Variants in FAM13B observed in about 807,000 individuals in gnomAD.
FAM13B encodes the protein protein FAM13B.
Under a neutral mutation model 117.3 loss-of-function variants are expected in FAM13B, and 60 were observed. The observed-to-expected ratio is 0.51, with a 90% confidence interval of 0.42 to 0.63. The LOEUF is 0.63. Among genes scored for constraint, FAM13B ranks in the 30% least tolerant of loss-of-function variants. The pLI, the probability that FAM13B is intolerant of heterozygous loss-of-function variation, is 0.00. For synonymous variants in FAM13B, 332 were observed against 356.1 expected, an observed-to-expected ratio of 0.93 and a Z score of 0.76; for missense variants, 972 against 1,091.9, an observed-to-expected ratio of 0.89 and a Z score of 1.55.
At chr5:137,971,531 C>T (rs1772148046) in intron 10 of FAM13B, among the ~76,000 whole-genome samples, 1 of 147,698 alleles carries the variant, frequency 6.8e-6, no homozygotes, top group South Asian at 2.2e-4. Context: ...AATTGACACC[C>T]TAACATCACA....
In FAM13B at chr5:137,967,195, G is replaced by A. The variant is rs538082763; in HGVS notation, c.1180-4726C>T. 2.0e-5 allele frequency among the ~76,000 whole-genome samples: 3 copies of A among 152,010 alleles called. No individual in the cohort carries two copies. In the South Asian group the frequency reaches 6.2e-4, roughly 32 times the overall value. The stretch of plus-strand genomic sequence containing the variant: ...GACAAAAAACTGGAAACAAATATTT[G>A]CGACTGATCGTTAAGAAAGTAGGTA... On this transcript the variant is annotated intron_variant, in intron 10 of 23. Transcript: ENST00000689681.
intron 1 of FAM13B, among the ~76,000 whole-genome samples, chr5:138,050,978 C>T (rs989660632): frequency 1.3e-5 from 2 of 151,180 alleles, no homozygotes; most frequent in Non-Finnish European, 2.9e-5. Flanking sequence ...TAGGAAAATT[C>T]AAAGATTTAG....
intron 1 of FAM13B, among the ~76,000 whole-genome samples, chr5:138,025,611 A>G (rs1788154823): frequency 6.6e-6 from 1 of 152,134 alleles, no homozygotes; most frequent in Non-Finnish European, 1.5e-5. Flanking sequence ...TCATTTACAT[A>G]TACAAAAATA....
rs1581183677 is a variant in FAM13B at position 137,988,305 on chromosome 5, A to G, written c.859T>C (p.Ser287Pro). 1 of 1,560,376 alleles carries G rather than the reference A, an allele frequency of 6.4e-7. No individual in the cohort carries two copies. Among genetic ancestry groups the G allele is most frequent in the East Asian group, 2.4e-5 (1 of 41,852 alleles). Residue 287 changes from serine (S) to proline (P), a missense_variant, in exon 8 of 24, where the codon TCT (serine) becomes CCT (proline). Ser to Pro is a moderately conservative substitution (Grantham distance 74). Coordinates refer to ENST00000689681, the MANE Select transcript of FAM13B (RefSeq NM_001385994.1). ...GAGGCTGGTAGGATGCTGATGGGAG[A>G]TATATGGGTGCTGCAATCAAAGAAA... ...NSVTATSTHI[S>P]PISILPASTD...
rs1254802267 is a variant in FAM13B at position 137,938,071 on chromosome 5, T to C, written c.*2154A>G. 3.9e-5 allele frequency: 6 copies of C among 152,202 alleles called. No individual in the cohort carries two copies. Among genetic ancestry groups the C allele is most frequent in the Non-Finnish European group, 7.3e-5 (5 of 68,032 alleles). The allele number at this position is 152,202 out of a possible 1,614,324, so 9.4% of individuals were successfully genotyped here. ...TCTATATATTATTTGTATATAGATATACAGTTTTTATTTGTACCAAAGTAA... is the reference window on the plus strand; with the variant it reads ...TCTATATATTATTTGTATATAGATACACAGTTTTTATTTGTACCAAAGTAA... On this transcript the variant is annotated 3_prime_UTR_variant, in exon 24 of 24. Coordinates refer to ENST00000689681, the MANE Select transcript of FAM13B (RefSeq NM_001385994.1).
intron 7 of FAM13B, among the ~76,000 whole-genome samples, chr5:137,991,583 A>G (rs908335147): frequency 1.3e-5 from 2 of 152,242 alleles, no homozygotes; most frequent in Admixed American, 1.3e-4. Context: ...ATAAAATAGT[A>G]TGGCACCCAC....
intron 1 of FAM13B, among the ~76,000 whole-genome samples, chr5:138,042,664 A>G (rs554005194): frequency 1.3e-5 from 2 of 149,230 alleles, no homozygotes; most frequent in African/African-American, 4.9e-5. Context: ...CCAGGAAGTG[A>G]CTATCATAGA....
At chr5:138,046,610 A>C (rs1362339572) in intron 1 of FAM13B, among the ~76,000 whole-genome samples, 1 of 152,254 alleles carries the variant, frequency 6.6e-6, no homozygotes, top group East Asian at 1.9e-4. Context: ...CTCTGGCCTT[A>C]GTTTGCTCCT....
In FAM13B at chr5:137,940,321, T is replaced by A. The variant is rs767602915; in HGVS notation, c.2718A>T (p.Pro906=). 2.5e-6 allele frequency: 4 copies of A among 1,606,092 alleles called. 1 individual carries two copies. In the South Asian group the frequency reaches 4.4e-5, roughly 18 times the overall value. The part of the protein sequence containing the change: ...GRNAQKEDRV[P]VLEEYREYKK... ...TGTACTCTCTGTACTCCTCAAGCAC[T>A]GGAACACGATCCTCTTTCTGGGCAT... is the stretch of plus-strand genomic sequence containing the variant. Residue 906 remains proline (P), a synonymous_variant, in exon 24 of 24, where the codon CCA becomes CCT. Transcript: ENST00000689681.
chr5:138,027,754 G>A (rs908711116), intron 1 of FAM13B, among the ~76,000 whole-genome samples: 5 of 152,208 alleles, frequency 3.3e-5, no homozygotes, highest in Non-Finnish European at 4.4e-5. Context: ...ATCTAGAATT[G>A]TAATCCTCAC....
At chr5:137,947,653 C>G (rs1561733091) in intron 18 of FAM13B, among the ~76,000 whole-genome samples, 4 of 151,978 alleles carry the variant, frequency 2.6e-5, no homozygotes, top group Non-Finnish European at 5.9e-5. Context: ...GCAATCCTGG[C>G]TCACCGCAAC....
chr5:137,982,571 T>A (rs1776068432), intron 10 of FAM13B, among the ~76,000 whole-genome samples: 1 of 152,066 alleles, frequency 6.6e-6, no homozygotes, highest in African/African-American at 2.4e-5. Context: ...GTATCTACCC[T>A]ATACCTGGAT....
At position 137,985,284 on chromosome 5, in the gene FAM13B, A is replaced by G. The variant is rs1339273711; in HGVS notation, c.1152T>C (p.Cys384=). The G allele has an allele frequency of 6.2e-7, 1 of 1,613,816 alleles. No individual in the cohort carries two copies. Among genetic ancestry groups the G allele is most frequent in the Non-Finnish European group, 8.5e-7 (1 of 1,179,944 alleles). The change falls in exon 10 of 24, where the codon TGT becomes TGC. Residue 384 remains cysteine, a synonymous_variant. Coordinates refer to ENST00000689681, the MANE Select transcript of FAM13B (RefSeq NM_001385994.1). ...NLDNEAMQQD[C]VFENEENTQS... ...GGGTATTTTCTTCATTCTCAAATAC[A>G]CAATCTTGCTGCATAGCTTCATTGT...
intron 13 of FAM13B, 51 bp from the exon 14 acceptor site, chr5:137,956,593 A>G (rs1266486739): frequency 2.9e-6 from 4 of 1,386,862 alleles, no homozygotes; most frequent in Non-Finnish European, 4.0e-6. Context: ...CACACAGCAC[A>G]GTCAGAACAA....
At chr5:138,045,359 C>A (rs1036652710) in intron 1 of FAM13B, among the ~76,000 whole-genome samples, 17 of 151,570 alleles carry the variant, frequency 1.1e-4, no homozygotes, top group African/African-American at 4.1e-4. Context: ...CATGGCAAAA[C>A]CCTATCTCTA....
At chr5:137,971,555 G>A (rs1207481676) in intron 10 of FAM13B, among the ~76,000 whole-genome samples, 1 of 150,310 alleles carries the variant, frequency 6.7e-6, no homozygotes, top group East Asian at 2.0e-4. Flanking sequence ...AAAAGAACTA[G>A]AAAAGCAAGA....
intron 9 of FAM13B, 36 bp downstream of exon 9, chr5:137,987,425 A>G (rs761407325): frequency 1.3e-6 from 2 of 1,537,554 alleles, no homozygotes; most frequent in Non-Finnish European, 1.8e-6. Context: ...AAACAATTTT[A>G]TAACATTTAA....
At chr5:138,009,016 G>A (rs1244821739) in intron 6 of FAM13B, among the ~76,000 whole-genome samples, 1 of 152,164 alleles carries the variant, frequency 6.6e-6, no homozygotes, top group Non-Finnish European at 1.5e-5. Context: ...GGTGGCATGT[G>A]CCCGTAATCC....
At chr5:138,045,259 C>G (rs1336129341) in intron 1 of FAM13B, among the ~76,000 whole-genome samples, 3 of 152,162 alleles carry the variant, frequency 2.0e-5, no homozygotes, top group Non-Finnish European at 2.9e-5. Context: ...TGAGGCCAGG[C>G]ATGGTGGCTC....
Sources: allele counts gnomAD v4.1 joint callset (sites outside exome capture counted in the v4.1 genomes callset), GRCh38; gene constraint gnomAD v4.1.1; transcripts MANE v1.5; gene names NCBI Gene and HGNC (gene_info 2026-07-23, HGNC 2026-07-21).